CAST: variants seen among roughly 807,000 people sequenced by gnomAD.
The protein encoded by CAST is MIR583 host.
Under a neutral mutation model 119.6 loss-of-function variants are expected in CAST, and 76 were observed. The observed-to-expected ratio is 0.64, with a 90% CI of 0.53 to 0.77. CAST has a LOEUF of 0.77. CAST is among the 30% of genes least tolerant of loss of function. The pLI is 0.00. For synonymous variants in CAST, 319 were observed against 331.6 expected, an observed-to-expected ratio of 0.96 and a Z score of 0.41; for missense variants, 953 against 946.5, an observed-to-expected ratio of 1.01 and a Z score of -0.09.
At chr5:96,119,963 C>G in the CAST span, among the ~76,000 whole-genome samples, 1 of 152,132 alleles carries the variant, frequency 6.6e-6, no homozygotes, top group South Asian at 2.1e-4. Flanking sequence ...AGCTGGACAT[C>G]ACCAGTATCT....
intron 1 of CAST, among the ~76,000 whole-genome samples, chr5:96,534,796 AGAAAGAAG>A (rs1745768189): frequency 1.6e-5 from 2 of 124,270 alleles, no homozygotes; most frequent in African/African-American, 6.1e-5. Context: ...AAAGAAAGAA[AGAAAGAAG>A]AAAGAAAGAA....
the CAST span, among the ~76,000 whole-genome samples, chr5:96,304,986 G>C: frequency 6.6e-6 from 1 of 152,206 alleles, no homozygotes; most frequent in Non-Finnish European, 1.5e-5. Context: ...ATTCTGTGAA[G>C]AAAGTCAATG....
chr5:96,744,703 TA>T (rs1763387760), intron 16 of CAST, among the ~76,000 whole-genome samples: 1 of 152,134 alleles, frequency 6.6e-6, no homozygotes. Context: ...CTTTACATCC[TA>T]GATAGTCTGA....
At chr5:96,542,142 C>A (rs1745924652) in intron 1 of CAST, among the ~76,000 whole-genome samples, 1 of 152,030 alleles carries the variant, frequency 6.6e-6, no homozygotes, top group Non-Finnish European at 1.5e-5. Flanking sequence ...AACCCCGTCT[C>A]TACTAAAAAT....
chr5:96,197,963 T>G, the CAST span, among the ~76,000 whole-genome samples: 4 of 152,210 alleles, frequency 2.6e-5, no homozygotes, highest in Admixed American at 1.3e-4. Context: ...CTCACTATAT[T>G]GCCCAGGCAA....
chr5:96,581,020 C>A (rs1019873294), intron 1 of CAST, among the ~76,000 whole-genome samples: 2 of 152,236 alleles, frequency 1.3e-5, no homozygotes, highest in African/African-American at 2.4e-5. Flanking sequence ...TCTGCTGGTG[C>A]CTTGGTCTTG....
chr5:96,206,894 G>A, the CAST span, among the ~76,000 whole-genome samples: 1 of 152,084 alleles, frequency 6.6e-6, no homozygotes, highest in Non-Finnish European at 1.5e-5. Context: ...ATTGCTGTGG[G>A]CAGTATGGCC....
rs985988268 is a variant in CAST at position 96,754,653 on chromosome 5, C to T, written c.1627-5C>T. 1 of 1,564,044 alleles carries T rather than the reference C, an allele frequency of 6.4e-7. No homozygotes were observed. Among genetic ancestry groups the T allele is most frequent in the Non-Finnish European group, 8.7e-7 (1 of 1,145,346 alleles). The stretch of plus-strand genomic sequence containing the variant: ...TAACAATGAAAATGGTATAATTTTT[C>T]TCAGGAGAAGGCCAAAGAAGAAGAC... On this transcript the variant is annotated splice_polypyrimidine_tract_variant and splice_region_variant and intron_variant, in intron 21 of 31. Transcript: ENST00000675179.
chr5:96,750,710 G>A (rs1439496384), intron 20 of CAST, 28 bp downstream of exon 20: 2 of 1,460,722 alleles, frequency 1.4e-6, no homozygotes, highest in East Asian at 2.3e-5. Context: ...CATTTGAGCA[G>A]TGGCTTGAGA....
the CAST span, among the ~76,000 whole-genome samples, chr5:96,306,088 TG>T: frequency 1.3e-4 from 20 of 152,204 alleles, no homozygotes. Flanking sequence ...AGACTTTTTT[TG>T]GTTGGTGGGC....
At chr5:95,990,193 A>G in the CAST span, among the ~76,000 whole-genome samples, 1 of 152,096 alleles carries the variant, frequency 6.6e-6, no homozygotes, top group African/African-American at 2.4e-5. Context: ...TAAGCCTAGA[A>G]ATGGAGTCTG....
chr5:96,248,413 C>A, the CAST span, among the ~76,000 whole-genome samples: 1 of 152,156 alleles, frequency 6.6e-6, no homozygotes, highest in Non-Finnish European at 1.5e-5. Flanking sequence ...GGAGATGAAA[C>A]GTGTGCCATA....
the CAST span, among the ~76,000 whole-genome samples, chr5:96,369,947 T>C: frequency 2.6e-5 from 4 of 152,106 alleles, no homozygotes; most frequent in African/African-American, 4.8e-5. Flanking sequence ...TTGCACATAG[T>C]AGCTGCTCAA....
At chr5:96,744,099 A>G (rs1763242683) in intron 16 of CAST, among the ~76,000 whole-genome samples, 1 of 152,238 alleles carries the variant, frequency 6.6e-6, no homozygotes, top group African/African-American at 2.4e-5. Flanking sequence ...TTATTTAAAC[A>G]TGTGGGTAAC....
intron 1 of CAST, chr5:96,584,479 A>G (rs1746821619): frequency 6.6e-6 from 1 of 152,244 alleles, no homozygotes; most frequent in South Asian, 2.1e-4. Flanking sequence ...GGCAGCACCT[A>G]AACTAGGTGG....
chr5:96,288,884 G>A, the CAST span, among the ~76,000 whole-genome samples: 3 of 152,166 alleles, frequency 2.0e-5, no homozygotes, highest in South Asian at 2.1e-4. Flanking sequence ...TATGGTAGTT[G>A]AAGAATCCAT....
At chr5:96,547,288 A>G (rs1335425458) in intron 1 of CAST, among the ~76,000 whole-genome samples, 2 of 152,156 alleles carry the variant, frequency 1.3e-5, no homozygotes, top group Admixed American at 1.3e-4. Flanking sequence ...TTCAATATAA[A>G]TCTGAAAGGC....
At chr5:96,569,343 A>G (rs1030339019) in intron 1 of CAST, among the ~76,000 whole-genome samples, 1 of 152,222 alleles carries the variant, frequency 6.6e-6, no homozygotes, top group African/African-American at 2.4e-5. Context: ...ACCTAGGTTC[A>G]AATTCTGGCT....
chr5:96,143,488 C>G, the CAST span, among the ~76,000 whole-genome samples: 1 of 152,212 alleles, frequency 6.6e-6, no homozygotes, highest in Admixed American at 6.5e-5. Context: ...GAAGCTGTGA[C>G]CCAGAATTGA....
Sources: allele counts gnomAD v4.1 joint callset (sites outside exome capture counted in the v4.1 genomes callset), GRCh38; gene constraint gnomAD v4.1.1; transcripts MANE v1.5; gene names NCBI Gene and HGNC (gene_info 2026-07-23, HGNC 2026-07-21).